UBE2J2: variants seen among roughly 807,000 people sequenced by gnomAD.
UBE2J2 encodes ubiquitin conjugating enzyme E2 J2.
In UBE2J2, 5 loss-of-function variants were observed where a neutral mutation model predicts 28.6. The observed-to-expected ratio is 0.17, with a 90% CI of 0.09 to 0.37. UBE2J2 has a LOEUF of 0.37. UBE2J2 is among the 10% of genes least tolerant of loss of function. UBE2J2 has a pLI of 1.00. For missense variants in UBE2J2, 226 were observed against 338.9 expected (o/e 0.67, Z 2.62); for synonymous variants, 138 against 139.7 (o/e 0.99, Z 0.09).
In UBE2J2 at chr1:1,255,461, T is replaced by C. The variant is rs749658889; in HGVS notation, c.522A>G (p.Gln174=). The C allele has an allele frequency of 6.2e-7, 1 of 1,611,664 alleles. No individual in the cohort carries two copies. The change falls in exon 7 of 7, where the codon CAA becomes CAG. Residue 174 remains glutamine, a synonymous_variant. Coordinates refer to ENST00000349431, the MANE Select transcript of UBE2J2 (RefSeq NM_058167.3). Reference sequence around the variant, plus strand: ...TCTGGGGTCTGCTACTGAGTTCGTCTTGTGCTTTCTGTTTTTGTTTAATCT... The same window carrying C: ...TCTGGGGTCTGCTACTGAGTTCGTCCTGTGCTTTCTGTTTTTGTTTAATCT... ...VEEIKQKQKA[Q]DELSSRPQTL...
intron 1 of UBE2J2, among the ~76,000 whole-genome samples, chr1:1,269,665 T>C (rs915660690): frequency 7.9e-5 from 12 of 152,142 alleles, no homozygotes; most frequent in Non-Finnish European, 1.8e-4. Context: ...GGTTTCACCA[T>C]GTTGGTCAGG....
chr1:1,272,471 A>G (rs1640202151), intron 1 of UBE2J2, among the ~76,000 whole-genome samples: 1 of 152,006 alleles, frequency 6.6e-6, no homozygotes, highest in African/African-American at 2.4e-5. Flanking sequence ...CCTTGGCCTG[A>G]CCCATCGGCC....
In UBE2J2 at chr1:1,257,163, C is replaced by T. The variant is rs774924616; in HGVS notation, c.276-33G>A. 5.6e-6 allele frequency: 9 copies of T among 1,604,012 alleles called. No homozygotes were observed. The South Asian group carries it at 9.9e-5, about 18-fold the overall frequency. On this transcript the variant is annotated intron_variant, in intron 4 of 6. Coordinates refer to ENST00000349431, the MANE Select transcript of UBE2J2 (RefSeq NM_058167.3). ...ACGGGGGCCCCGTCAGTGCACACTC[C>T]CCACCGCAGCCAGAAAGCCTCCGCG...
rs200525351 is a variant in UBE2J2, at chr1:1,257,188, G to T, written c.275+20C>A. 87 of 1,602,110 alleles carry T rather than the reference G, an allele frequency of 5.4e-5. No individual in the cohort carries two copies. The highest frequency in any genetic ancestry group is 7.4e-5 in the Non-Finnish European group (87 of 1,172,034). ...CCCACCGCAGCCAGAAAGCCTCCGC[G>T]GCCCCTCCAGGCACCTTACCTGGTG... On this transcript the variant is annotated intron_variant, in intron 4 of 6. Coordinates refer to ENST00000349431, the MANE Select transcript of UBE2J2 (RefSeq NM_058167.3).
chr1:1,268,714 G>T lies in UBE2J2; in HGVS notation c.1-722C>A, dbSNP rs1024197290. 6.6e-6 allele frequency among the ~76,000 whole-genome samples: 1 copy of T among 152,316 alleles called. No homozygotes were observed. The highest frequency in any genetic ancestry group is 1.9e-4 in the East Asian group (1 of 5,184). ...ATAAGAGTTTATTTACTTATTTTTCGTGAGACAGGGTCTTGCTCTGTCGCC... is the reference window on the plus strand; with the variant it reads ...ATAAGAGTTTATTTACTTATTTTTCTTGAGACAGGGTCTTGCTCTGTCGCC... On this transcript the variant is annotated intron_variant, in intron 1 of 6. Transcript: ENST00000349431. The surrounding 1 kb of genome is among the most constrained non-coding windows in gnomAD (Gnocchi z 4.7).
chr1:1,269,461 T>A (rs1225380676), intron 1 of UBE2J2, among the ~76,000 whole-genome samples: 1 of 123,182 alleles, frequency 8.1e-6, no homozygotes, highest in East Asian at 2.0e-4. Flanking sequence ...TCAAACCTTA[T>A]TTTTTTTTTT....
intron 3 of UBE2J2, chr1:1,262,953 C>A: frequency 5.1e-6 from 1 of 194,810 alleles, no homozygotes; most frequent in South Asian, 9.6e-5. Flanking sequence ...CTGGGGATTG[C>A]GAAACCCTGG....
intron 2 of UBE2J2, among the ~76,000 whole-genome samples, chr1:1,265,601 CAT>C (rs1491103136): frequency 5.8e-5 from 4 of 69,346 alleles, no homozygotes; most frequent in Non-Finnish European, 1.2e-4. Flanking sequence ...GTTTTCTCTC[CAT>C]TGTGTGTGTG....
At chr1:1,267,770 G>T in intron 2 of UBE2J2, 92 bp downstream of exon 2, 1 of 1,573,482 alleles carries the variant, frequency 6.4e-7, no homozygotes, top group South Asian at 1.2e-5. Flanking sequence ...CCAATGCCAT[G>T]ACTGGGGCAC....
chr1:1,265,969 A>C (rs1639836431), intron 2 of UBE2J2: 1 of 1,072,182 alleles, frequency 9.3e-7, no homozygotes, highest in African/African-American at 1.6e-5. Context: ...ATTCTTTGTG[A>C]ATCATCGAAC....
chr1:1,267,723 C>A, intron 2 of UBE2J2, 139 bp downstream of exon 2: 1 of 1,511,286 alleles, frequency 6.6e-7, no homozygotes, highest in Non-Finnish European at 8.9e-7. Flanking sequence ...CCCCTGGGCA[C>A]CCCACTCACC....
chr1:1,269,079 C>T lies in UBE2J2; in HGVS notation c.1-1087G>A, dbSNP rs577995451. Among the ~76,000 whole-genome samples, 85 of 150,976 alleles carry T rather than the reference C, an allele frequency of 5.6e-4. 1 individual carries two copies. The highest frequency in any genetic ancestry group is 1.9e-3 in the African/African-American group (77 of 40,310). On this transcript the variant is annotated intron_variant, in intron 1 of 6. Coordinates refer to ENST00000349431, the MANE Select transcript of UBE2J2 (RefSeq NM_058167.3). ...GGACGTTCAAGACAGCACTGAAGGCCGAGCATGGGGCGCGAGGCACCATGC... is the reference window on the plus strand; with the variant it reads ...GGACGTTCAAGACAGCACTGAAGGCTGAGCATGGGGCGCGAGGCACCATGC...
At position 1,254,047 on chromosome 1, in the gene UBE2J2, T is replaced by C. The variant is rs1320138481; in HGVS notation, c.*1156A>G. On this transcript the variant is annotated 3_prime_UTR_variant, in exon 7 of 7. Coordinates refer to ENST00000349431, the MANE Select transcript of UBE2J2 (RefSeq NM_058167.3). ...AAAGATGAGCGCGTGCGGGCTGGGC[T>C]TGTCTCACGCCCGCCTCCGGACAGG... 1 of 152,244 alleles carries C rather than the reference T, an allele frequency of 6.6e-6. No individual in the cohort carries two copies. Among genetic ancestry groups the C allele is most frequent in the African/African-American group, 2.4e-5 (1 of 41,466 alleles). 9.4% of individuals were successfully genotyped at this position (152,244 alleles called of 1,614,324 possible).
chr1:1,255,134 C>T lies in UBE2J2; in HGVS notation c.*69G>A. 6.8e-7 allele frequency: 1 copy of T among 1,469,872 alleles called. No homozygotes were observed. The highest frequency in any genetic ancestry group is 9.1e-7 in the Non-Finnish European group (1 of 1,095,494). The allele number at this position is 1,469,872 out of a possible 1,614,324, so 91.1% of individuals were successfully genotyped here. A position where few individuals can be genotyped will look rare whatever the true frequency, so the allele number is the denominator to read the frequency against. ...GGTCTGCCTGTGCTGGGCAGTGTGT[C>T]CAGCCTGCCGAGGTCACGCTCTGGT... On this transcript the variant is annotated 3_prime_UTR_variant, in exon 7 of 7. Transcript: ENST00000349431.
intron 2 of UBE2J2, among the ~76,000 whole-genome samples, chr1:1,266,824 C>T (rs1372104205): frequency 6.6e-6 from 1 of 151,972 alleles, no homozygotes; most frequent in Non-Finnish European, 1.5e-5. Flanking sequence ...AAGACTGTCT[C>T]AAAAAATAAT....
chr1:1,260,151 C>T (rs1251539729), intron 3 of UBE2J2, among the ~76,000 whole-genome samples: 1 of 152,190 alleles, frequency 6.6e-6, no homozygotes, highest in Non-Finnish European at 1.5e-5. Flanking sequence ...AGTGGAGGGA[C>T]GGCATGAGCA....
intron 1 of UBE2J2, among the ~76,000 whole-genome samples, chr1:1,270,288 C>T (rs1057202012): frequency 3.9e-5 from 6 of 152,166 alleles, no homozygotes; most frequent in Admixed American, 3.9e-4. Context: ...CTTTCAGTCT[C>T]CACCTGCAAG....
chr1:1,265,653 G>GTGC (rs2101077733), intron 2 of UBE2J2, among the ~76,000 whole-genome samples: 1 of 148,640 alleles, frequency 6.7e-6, no homozygotes, highest in South Asian at 2.1e-4. Flanking sequence ...GTGTGTGGTG[G>GTGC]AGTCTCACTC....
At chr1:1,264,930 T>G (rs1230453411) in intron 2 of UBE2J2, 1 of 153,570 alleles carries the variant, frequency 6.5e-6, no homozygotes, top group Non-Finnish European at 1.5e-5. Context: ...GGATGACGTA[T>G]AGTAATGTAT....
Sources: allele counts gnomAD v4.1 joint callset (sites outside exome capture counted in the v4.1 genomes callset), GRCh38; gene constraint gnomAD v4.1.1; non-coding constraint Gnocchi (gnomAD v3.1); transcripts MANE v1.5; gene names NCBI Gene and HGNC (gene_info 2026-07-23, HGNC 2026-07-21).